ARHGAP32: variants seen among roughly 807,000 people sequenced by gnomAD.
ARHGAP32 encodes the protein rho GTPase-activating protein 32.
In ARHGAP32, 51 loss-of-function variants were observed where a neutral mutation model predicts 186.5. The observed-to-expected ratio is 0.27, with a 90% confidence interval of 0.22 to 0.35. ARHGAP32 has a LOEUF of 0.35. ARHGAP32 is among the 10% of genes least tolerant of loss of function. The probability of loss-of-function intolerance (pLI) is 1.00; values close to 1 mark genes in which losing one functional copy is unlikely to be tolerated. For missense variants in ARHGAP32, 2,186 were observed against 2,623.5 expected, an observed-to-expected ratio of 0.83 and a Z score of 3.64; for synonymous variants, 950 against 964.3, an observed-to-expected ratio of 0.99 and a Z score of 0.27.
intron 5 of ARHGAP32, among the ~76,000 whole-genome samples, chr11:129,110,410 ATTGGCTAT>A (rs1430430532): frequency 6.6e-6 from 1 of 152,006 alleles, no homozygotes; most frequent in African/African-American, 2.4e-5. Flanking sequence ...TAAGGATTTC[ATTGGCTAT>A]TCAGGTTCTG....
intron 1 of ARHGAP32, among the ~76,000 whole-genome samples, chr11:129,226,581 G>A (rs1944785534): frequency 6.6e-6 from 1 of 151,930 alleles, no homozygotes; most frequent in African/African-American, 2.4e-5. Flanking sequence ...GTACAAAAAA[G>A]GGAAAAAAGA....
chr11:129,013,059 G>C (rs1938161453), intron 11 of ARHGAP32, among the ~76,000 whole-genome samples: 1 of 152,214 alleles, frequency 6.6e-6, no homozygotes, highest in Non-Finnish European at 1.5e-5. Context: ...GTTTAGATCA[G>C]GAACAAGGAA....
At position 129,070,756 on chromosome 11, in the gene ARHGAP32, G is replaced by A. The variant is rs184036386; in HGVS notation, c.532-3888C>T. ...ATACAAAATTCCTAAAAATTGACAC[G>A]TTGTACCAATTTTTACTGCTTGGGT... On this transcript the variant is annotated intron_variant, in intron 6 of 22. Coordinates refer to ENST00000682385, the MANE Select transcript of ARHGAP32 (RefSeq NM_001378024.1). 4.0e-5 allele frequency among the ~76,000 whole-genome samples: 6 copies of A among 151,888 alleles called. No individual in the cohort carries two copies. The East Asian group carries it at 1.2e-3, about 29-fold the overall frequency.
At chr11:129,193,650 A>G (rs1269669863), upstream of ARHGAP32, among the ~76,000 whole-genome samples, 3 of 67,570 alleles carry the variant, frequency 4.4e-5, no homozygotes, top group Non-Finnish European at 8.3e-5. Flanking sequence ...GTTATATAAT[A>G]CATATACAAT....
upstream of ARHGAP32, among the ~76,000 whole-genome samples, chr11:129,192,901 C>T (rs1944296207): frequency 6.6e-6 from 1 of 152,104 alleles, no homozygotes; most frequent in Non-Finnish European, 1.5e-5. Flanking sequence ...CAAATAAAAG[C>T]ATGCAAAGTT....
At chr11:129,054,375 G>A (rs192732035) in intron 10 of ARHGAP32, among the ~76,000 whole-genome samples, 312 of 152,218 alleles carry the variant, frequency 2.0e-3, no homozygotes, top group Admixed American at 4.2e-3. Flanking sequence ...GCCTACATCA[G>A]CAGTTCTCAT....
chr11:129,073,547 A>G (rs1015256338), intron 6 of ARHGAP32, among the ~76,000 whole-genome samples: 5 of 152,180 alleles, frequency 3.3e-5, no homozygotes, highest in Non-Finnish European at 5.9e-5. Context: ...GCAAAGAGAG[A>G]AAAGACTAAA....
At chr11:129,009,503 G>A (rs1004229912) in intron 11 of ARHGAP32, among the ~76,000 whole-genome samples, 20 of 151,984 alleles carry the variant, frequency 1.3e-4, no homozygotes, top group East Asian at 5.8e-4. Context: ...TAACTATCTC[G>A]ACAAGCTCCA....
At position 129,124,846 on chromosome 11, in the gene ARHGAP32, T is replaced by C; in HGVS notation, c.274A>G (p.Thr92Ala). The C allele has an allele frequency of 6.2e-7, 1 of 1,611,414 alleles. No homozygotes were observed. Residue 92 changes from threonine to alanine, a missense_variant, in exon 3 of 23, where the codon ACG becomes GCG. Physicochemically the swap from Thr to Ala is moderately conservative, Grantham distance 58. Around this residue, in one of 5 missense-constraint regions of ARHGAP32, gnomAD observed 108 missense variants for 116.8 expected, o/e 0.92. Coordinates refer to ENST00000682385, the MANE Select transcript of ARHGAP32 (RefSeq NM_001378024.1). ...TTCATACTGGCTGTACTGCCACACG[T>C]CTTAAGAGTAAGATCTCCAGGAATC... ...PEIPGDLTLK[T>A]CGSTASMKVK...
chr11:129,159,266 T>C (rs1256215533), intron 2 of ARHGAP32, among the ~76,000 whole-genome samples: 1 of 152,008 alleles, frequency 6.6e-6, no homozygotes, highest in Non-Finnish European at 1.5e-5. Context: ...ATCCAGGAGC[T>C]AGTTTCTTGA....
intron 5 of ARHGAP32, among the ~76,000 whole-genome samples, chr11:129,111,475 T>C (rs1942211957): frequency 6.6e-6 from 1 of 152,174 alleles, no homozygotes; most frequent in Admixed American, 6.5e-5. Flanking sequence ...AGGAGAGTGA[T>C]GTTAGTTCTT....
At chr11:129,105,700 C>A (rs1392264654) in intron 5 of ARHGAP32, among the ~76,000 whole-genome samples, 2 of 152,030 alleles carry the variant, frequency 1.3e-5, no homozygotes, top group Non-Finnish European at 2.9e-5. Flanking sequence ...AGAGTTACTA[C>A]ACTATAATAT....
chr11:129,133,355 A>G (rs1942861544), intron 2 of ARHGAP32, among the ~76,000 whole-genome samples: 1 of 152,234 alleles, frequency 6.6e-6, no homozygotes, highest in South Asian at 2.1e-4. Context: ...ACAGGAAAAA[A>G]GTGAAATTTC....
At chr11:129,129,059 G>T (rs1051813374) in intron 2 of ARHGAP32, among the ~76,000 whole-genome samples, 1 of 151,922 alleles carries the variant, frequency 6.6e-6, no homozygotes, top group Non-Finnish European at 1.5e-5. Context: ...CTGGGATGTG[G>T]GGAGCGCCTC....
Position 128,988,122 on chromosome 11 carries a change from G to A in ARHGAP32, c.1199C>T (p.Pro400Leu). The A allele has an allele frequency of 6.2e-7, 1 of 1,608,360 alleles. No homozygotes were observed. Among genetic ancestry groups the A allele is most frequent in the Non-Finnish European group, 8.5e-7 (1 of 1,175,934 alleles). The change falls in exon 13 of 23, where the codon CCG (proline) becomes CTG (leucine). Residue 400 changes from proline (P) to leucine (L), a missense_variant. Transcript: ENST00000682385. ...EHLLNSGFEV[P>L]QVLQSCTAFI... ...TGCTGTGCAGCTTTGAAGAACCTGCGGCACTAAAGAGAATTTGTAAAGAAA... is the reference window on the plus strand; with the variant it reads ...TGCTGTGCAGCTTTGAAGAACCTGCAGCACTAAAGAGAATTTGTAAAGAAA...
intron 1 of ARHGAP32, among the ~76,000 whole-genome samples, chr11:129,235,055 G>A (rs1259761758): frequency 1.3e-5 from 2 of 152,136 alleles, no homozygotes; most frequent in Non-Finnish European, 2.9e-5. Context: ...TGCATTTCAG[G>A]TGGGCTCTAA....
At chr11:129,090,824 G>A (rs994546447) in intron 6 of ARHGAP32, among the ~76,000 whole-genome samples, 2 of 151,972 alleles carry the variant, frequency 1.3e-5, no homozygotes, top group Admixed American at 6.6e-5. Flanking sequence ...TTAGTGTCAG[G>A]GTTTATCTAA....
chr11:129,195,487 T>A (rs1215209845), upstream of ARHGAP32, among the ~76,000 whole-genome samples: 1 of 152,106 alleles, frequency 6.6e-6, no homozygotes, highest in Non-Finnish European at 1.5e-5. Context: ...ACAAGTTTTT[T>A]AAAAATGTTT....
chr11:129,033,408 C>T (rs1429861907), intron 11 of ARHGAP32, among the ~76,000 whole-genome samples: 4 of 152,152 alleles, frequency 2.6e-5, no homozygotes, highest in Non-Finnish European at 5.9e-5. Context: ...TTCTTGCCAA[C>T]CTTAGATATC....
Sources: allele counts gnomAD v4.1 joint callset (sites outside exome capture counted in the v4.1 genomes callset), GRCh38; gene constraint gnomAD v4.1.1; regional missense constraint gnomAD v4.1.1; transcripts MANE v1.5; gene names NCBI Gene and HGNC (gene_info 2026-07-23, HGNC 2026-07-21).